The following AMPD3 variants were observed in gnomAD, a reference collection of about 807,000 sequenced individuals.
AMPD3 encodes the protein adenosine monophosphate deaminase 3.
In AMPD3, 57 loss-of-function variants were observed where a neutral mutation model predicts 82.3. The ratio of observed to expected loss-of-function variants is 0.69; its 90% CI spans 0.56 to 0.86. The LOEUF (loss-of-function observed/expected upper bound fraction) is 0.86. Among genes scored for constraint, AMPD3 ranks in the 40% least tolerant of loss-of-function variants. The pLI, the probability that AMPD3 is intolerant of heterozygous loss-of-function variation, is 0.00. For synonymous variants in AMPD3, 381 were observed against 394.7 expected (o/e 0.97, Z 0.41); for missense variants, 870 against 1,003.8 (o/e 0.87, Z 1.80).
At chr11:10,503,653 A>G in intron 13 of AMPD3, among the ~76,000 whole-genome samples, 1 of 152,372 alleles carries the variant, frequency 6.6e-6, no homozygotes, top group South Asian at 2.1e-4. Flanking sequence ...CCACATCAAT[A>G]AACCAATGAA....
chr11:10,482,257 A>G lies in AMPD3; in HGVS notation c.589+32A>G, dbSNP rs770060554. 13 of 1,608,060 alleles carry G rather than the reference A, an allele frequency of 8.1e-6. 2 individuals are homozygous for G. The South Asian group carries it at 1.2e-4, about 15-fold the overall frequency. ...AGCTCTGGCTGGAGGTTGGGTCCCA[A>G]GTGTGGGCAGACCGAGAGCTAGTCA... On this transcript the variant is annotated intron_variant, in intron 4 of 14. Coordinates refer to ENST00000396553, the MANE Select transcript of AMPD3 (RefSeq NM_001025389.2).
intron 1 of AMPD3, chr11:10,455,962 G>A: frequency 3.0e-6 from 3 of 985,434 alleles, no homozygotes; most frequent in Non-Finnish European, 3.6e-6. Flanking sequence ...CAGCTTTCAG[G>A]AGGAGGCTGG....
At chr11:10,465,457 C>T (rs1265354838) in intron 2 of AMPD3, among the ~76,000 whole-genome samples, 1 of 152,238 alleles carries the variant, frequency 6.6e-6, no homozygotes, top group Non-Finnish European at 1.5e-5. Context: ...CTCCGGTCTG[C>T]AGCTCCCAGT....
In AMPD3 at chr11:10,493,517, A is replaced by G. The variant is rs1260690805; in HGVS notation, c.1108A>G (p.Thr370Ala). Residue 370 changes from threonine (T) to alanine (A), a missense_variant, in exon 7 of 15, where the codon ACT (threonine) becomes GCT (alanine). Transcript: ENST00000396553. ...CCTGCACATGGACCCCTACGACCTCACTGTGGACTCACTGGATGTCCACGC... is the reference window on the plus strand; with the variant it reads ...CCTGCACATGGACCCCTACGACCTCGCTGTGGACTCACTGGATGTCCACGC... Reference protein sequence around the residue: ...DGLHMDPYDLTVDSLDVHAGR... With the variant: ...DGLHMDPYDLAVDSLDVHAGR... The G allele has an allele frequency of 1.9e-6, 3 of 1,614,112 alleles. No homozygotes were observed. The highest frequency in any genetic ancestry group is 2.5e-6 in the Non-Finnish European group (3 of 1,180,002).
intron 10 of AMPD3, among the ~76,000 whole-genome samples, chr11:10,498,034 C>T (rs1285124279): frequency 1.3e-5 from 2 of 152,308 alleles, no homozygotes; most frequent in East Asian, 1.9e-4. Flanking sequence ...TAAAACAGAT[C>T]ATAAAGCTAA....
chr11:10,504,115 CATCTATCTATCTATCT>C (rs67633984), intron 13 of AMPD3: 208 of 686,302 alleles, frequency 3.0e-4, no homozygotes, highest in Non-Finnish European at 3.4e-4. Flanking sequence ...GTACTTTACT[CATCTATCTATCTATCT>C]ATCTATCTAT....
At chr11:10,505,286 G>A in intron 14 of AMPD3, 1 of 985,412 alleles carries the variant, frequency 1.0e-6, no homozygotes, top group Non-Finnish European at 1.2e-6. Context: ...GGATGATGAT[G>A]CAGCAGAGTT....
intron 8 of AMPD3, 25 bp from the exon 9 acceptor site, chr11:10,495,545 C>T: frequency 6.2e-7 from 1 of 1,612,272 alleles, no homozygotes; most frequent in Non-Finnish European, 8.5e-7. Context: ...TGCACTGGGG[C>T]TGACCCAAGC....
chr11:10,496,550 C>G (rs1198657834), intron 9 of AMPD3: 1 of 985,240 alleles, frequency 1.0e-6, no homozygotes, highest in East Asian at 1.1e-4. Context: ...CAGAATGCCA[C>G]CATCCCATTC....
At chr11:10,467,535 C>T (rs572054033) in intron 2 of AMPD3, among the ~76,000 whole-genome samples, 8 of 152,286 alleles carry the variant, frequency 5.3e-5, no homozygotes, top group South Asian at 4.1e-4. Context: ...ACCAAACCTA[C>T]GTTTGATGGA....
chr11:10,481,578 A>G (rs1242529811), intron 3 of AMPD3: 1 of 827,780 alleles, frequency 1.2e-6, no homozygotes, highest in South Asian at 5.5e-5. Flanking sequence ...AGGACTCAGC[A>G]TATAGCTGTA....
At chr11:10,504,244 A>C (rs78156163) in intron 13 of AMPD3, 16,822 of 985,050 alleles carry the variant, frequency 0.017, 210 homozygotes, top group African/African-American at 0.059. Flanking sequence ...TGGCATGACT[A>C]GAGGGCTTGT....
At position 10,456,644 on chromosome 11, in the gene AMPD3, C is replaced by G; in HGVS notation, c.-6+1196C>G. On this transcript the variant is annotated intron_variant, in intron 1 of 14. Coordinates refer to ENST00000396553, the MANE Select transcript of AMPD3 (RefSeq NM_001025389.2). The surrounding 1 kb of genome is among the most constrained non-coding windows in gnomAD (Gnocchi z 4.3). ...AAGCTGTATCATTGGCTGACTGATG[C>G]TGGTGAATTCACAGCTAAGCCTCCC... is the stretch of plus-strand genomic sequence containing the variant. 1.1e-5 allele frequency: 11 copies of G among 980,370 alleles called. No homozygotes were observed. Among genetic ancestry groups the G allele is most frequent in the Non-Finnish European group, 1.3e-5 (11 of 825,312 alleles). The allele number at this position is 980,370 out of a possible 1,614,324, so 60.7% of individuals were successfully genotyped here.
chr11:10,451,310 G>A (rs796902857), upstream of AMPD3, among the ~76,000 whole-genome samples: 9 of 152,378 alleles, frequency 5.9e-5, no homozygotes, highest in African/African-American at 2.2e-4. Flanking sequence ...GAATGGAATC[G>A]CAAGGTTTAG....
At chr11:10,490,520 A>C in intron 6 of AMPD3, 1 of 985,444 alleles carries the variant, frequency 1.0e-6, no homozygotes, top group Non-Finnish European at 1.2e-6. Context: ...CTGAGGTCTT[A>C]GGTGAACACG....
chr11:10,466,118 C>A (rs752174223), intron 2 of AMPD3, among the ~76,000 whole-genome samples: 1 of 152,034 alleles, frequency 6.6e-6, no homozygotes, highest in African/African-American at 2.4e-5. Context: ...AAAGATTAGC[C>A]GGGCGTGGTG....
rs1849732262 is a variant in AMPD3, at chr11:10,507,153, G to A, written c.*1269G>A. On this transcript the variant is annotated 3_prime_UTR_variant, in exon 15 of 15. Transcript: ENST00000396553. ...TGAATTTCTTTTGGCAACTTTTTAA[G>A]GACATGTGCTCTTAGTACTTAAGAG... is the stretch of plus-strand genomic sequence containing the variant. 1.3e-5 allele frequency: 2 copies of A among 152,552 alleles called. No homozygotes were observed. The highest frequency in any genetic ancestry group is 4.1e-4 in the South Asian group (2 of 4,826). The allele number at this position is 152,552 out of a possible 1,614,324, so 9.4% of individuals were successfully genotyped here.
chr11:10,496,742 T>A (rs1466426), intron 9 of AMPD3, 70 bp from the exon 10 acceptor site: 1 of 1,612,052 alleles, frequency 6.2e-7, no homozygotes, highest in South Asian at 1.1e-5. Flanking sequence ...AGGAAGTGAC[T>A]GGGGCTGGTC....
At chr11:10,500,817 G>A (rs1313570181) in intron 11 of AMPD3, 10 of 985,298 alleles carry the variant, frequency 1.0e-5, no homozygotes, top group Non-Finnish European at 1.2e-5. Context: ...AGGCACACGT[G>A]GCCAGGAGTT....
Sources: gnomAD v4.1 joint callset for allele counts (sites outside exome capture counted in the v4.1 genomes callset) on GRCh38, gnomAD v4.1.1 for gene constraint, Gnocchi (gnomAD v3.1) non-coding constraint, MANE v1.5 for transcripts, NCBI Gene and HGNC (gene_info 2026-07-23, HGNC 2026-07-21) for gene names.